Variants in SPON1 observed in about 807,000 individuals in gnomAD.
SPON1 encodes spondin-1.
In SPON1, 52 loss-of-function variants were observed where a neutral mutation model predicts 111.7. The observed-to-expected ratio is 0.47, with a 90% confidence interval of 0.37 to 0.59. SPON1 has a LOEUF of 0.59. Among genes scored for constraint, SPON1 ranks in the 20% least tolerant of loss-of-function variants. The probability of loss-of-function intolerance (pLI) is 0.00; values close to 1 mark genes in which losing one functional copy is unlikely to be tolerated. For missense variants in SPON1, 957 were observed against 1,068.5 expected (o/e 0.90, Z 1.46); for synonymous variants, 410 against 395.8 (o/e 1.04, Z -0.43).
chr11:14,104,426 G>GT (rs1318024340), intron 5 of SPON1, among the ~76,000 whole-genome samples: 1 of 151,484 alleles, frequency 6.6e-6, no homozygotes, highest in Non-Finnish European at 1.5e-5. Flanking sequence ...TTTAGCAACT[G>GT]TCTTCTTTTT....
At chr11:14,093,371 A>G (rs1372474226) in intron 5 of SPON1, among the ~76,000 whole-genome samples, 1 of 152,218 alleles carries the variant, frequency 6.6e-6, no homozygotes, top group Admixed American at 6.5e-5. Context: ...TTTATTCTCT[A>G]GCTCTGAATA....
chr11:14,051,550 G>A (rs1485907393), intron 3 of SPON1, among the ~76,000 whole-genome samples: 3 of 147,818 alleles, frequency 2.0e-5, no homozygotes, highest in Admixed American at 6.7e-5. Flanking sequence ...AAAAAAAAAA[G>A]AGAGACAGGG....
At chr11:14,110,172 G>A (rs1469681623) in intron 5 of SPON1, among the ~76,000 whole-genome samples, 1 of 152,164 alleles carries the variant, frequency 6.6e-6, no homozygotes, top group African/African-American at 2.4e-5. Context: ...CAATCCAGGA[G>A]AGAATAAGAG....
At chr11:14,093,578 T>C (rs532337343) in intron 5 of SPON1, among the ~76,000 whole-genome samples, 1 of 152,314 alleles carries the variant, frequency 6.6e-6, no homozygotes, top group African/African-American at 2.4e-5. Context: ...TTGCCTAAAA[T>C]ATAAATACAG....
intron 6 of SPON1, among the ~76,000 whole-genome samples, chr11:14,231,972 C>CGTGTGTGTGT (rs10650808): frequency 1.3e-5 from 2 of 149,418 alleles, no homozygotes; most frequent in South Asian, 2.2e-4. Context: ...CCTCCTACGC[C>CGTGTGTGTGT]GTGTGTGTGT....
At chr11:14,163,960 C>T (rs975382585) in intron 6 of SPON1, among the ~76,000 whole-genome samples, 1 of 152,136 alleles carries the variant, frequency 6.6e-6, no homozygotes, top group Non-Finnish European at 1.5e-5. Context: ...AACTGGGAAG[C>T]ATTCAATTCT....
chr11:14,080,168 T>C, intron 5 of SPON1, 147 bp downstream of exon 5: 1 of 851,054 alleles, frequency 1.2e-6, no homozygotes, highest in East Asian at 2.5e-5. Flanking sequence ...TGTATATTAA[T>C]CAAGACAGGC....
intron 2 of SPON1, among the ~76,000 whole-genome samples, chr11:14,020,649 A>G (rs1280905965): frequency 6.6e-6 from 1 of 152,222 alleles, no homozygotes; most frequent in East Asian, 1.9e-4. Flanking sequence ...TTATAGCAAA[A>G]CAAAAAAAGA....
chr11:14,049,014 G>A (rs549843101), intron 3 of SPON1, among the ~76,000 whole-genome samples: 1 of 152,304 alleles, frequency 6.6e-6, no homozygotes, highest in African/African-American at 2.4e-5. Flanking sequence ...TGTTCTGGGT[G>A]CACTACAAAT....
intron 6 of SPON1, among the ~76,000 whole-genome samples, chr11:14,223,237 G>A (rs565858797): frequency 6.6e-5 from 10 of 152,248 alleles, no homozygotes; most frequent in African/African-American, 2.4e-4. Flanking sequence ...GGTGGCACAT[G>A]CCTGTGATCC....
intron 5 of SPON1, among the ~76,000 whole-genome samples, chr11:14,093,237 G>A (rs1849072889): frequency 6.6e-6 from 1 of 152,250 alleles, no homozygotes; most frequent in Non-Finnish European, 1.5e-5. Flanking sequence ...CTATGGCTCA[G>A]AAGCAGTTGC....
intron 1 of SPON1, among the ~76,000 whole-genome samples, chr11:13,967,995 A>G (rs782369101): frequency 1.1e-4 from 16 of 152,216 alleles, no homozygotes; most frequent in Non-Finnish European, 1.6e-4. Context: ...GTACTCCCCC[A>G]TACACAGATA....
intron 5 of SPON1, among the ~76,000 whole-genome samples, chr11:14,090,346 G>A (rs982022162): frequency 9.9e-5 from 15 of 152,188 alleles, no homozygotes; most frequent in African/African-American, 2.9e-4. Context: ...TGGGAAAAGC[G>A]TAGTATCTGG....
chr11:14,182,438 T>C (rs1554933771), intron 6 of SPON1, among the ~76,000 whole-genome samples: 1 of 152,152 alleles, frequency 6.6e-6, no homozygotes, highest in African/African-American at 2.4e-5. Flanking sequence ...TGGGCTGTTA[T>C]ATAAAATCTA....
intron 6 of SPON1, among the ~76,000 whole-genome samples, chr11:14,193,244 C>T (rs1450734335): frequency 6.6e-6 from 1 of 152,134 alleles, no homozygotes; most frequent in South Asian, 2.1e-4. Flanking sequence ...CAGGATGGTC[C>T]TGAGATTCTA....
chr11:13,976,543 T>C (rs1453167240), intron 1 of SPON1, among the ~76,000 whole-genome samples: 1 of 152,158 alleles, frequency 6.6e-6, no homozygotes, highest in African/African-American at 2.4e-5. Flanking sequence ...TGTGTTATAT[T>C]TAATAGGGTT....
intron 2 of SPON1, among the ~76,000 whole-genome samples, chr11:14,026,577 G>T (rs1848519787): frequency 6.6e-6 from 1 of 152,180 alleles, no homozygotes; most frequent in Non-Finnish European, 1.5e-5. Flanking sequence ...TCAAGGCGAG[G>T]GGGTGGGGGA....
Position 14,265,755 on chromosome 11 carries a change from G to A in SPON1, c.*68G>A. Reference sequence around the variant, plus strand: ...TCACCAATGGCTGGATTATTTGCTTGTTTAAGACAATTTAAATTGTGTACG... The same window carrying A: ...TCACCAATGGCTGGATTATTTGCTTATTTAAGACAATTTAAATTGTGTACG... On this transcript the variant is annotated 3_prime_UTR_variant, in exon 16 of 16. Coordinates refer to ENST00000576479, the MANE Select transcript of SPON1 (RefSeq NM_006108.4). The A allele has an allele frequency of 6.5e-7, 1 of 1,531,286 alleles. No individual in the cohort carries two copies. The highest frequency in any genetic ancestry group is 8.9e-7 in the Non-Finnish European group (1 of 1,129,300). The allele number at this position is 1,531,286 out of a possible 1,614,324, so 94.9% of individuals were successfully genotyped here.
intron 2 of SPON1, among the ~76,000 whole-genome samples, chr11:14,013,783 C>T (rs1848423351): frequency 6.6e-6 from 1 of 152,114 alleles, no homozygotes; most frequent in South Asian, 2.1e-4. Flanking sequence ...GACCTCTAAT[C>T]TTCACAAGCA....
Sources: gnomAD v4.1 joint callset for allele counts (sites outside exome capture counted in the v4.1 genomes callset) on GRCh38, gnomAD v4.1.1 for gene constraint, MANE v1.5 for transcripts, NCBI Gene and HGNC (gene_info 2026-07-23, HGNC 2026-07-21) for gene names.